ADARB2: variants seen among roughly 807,000 people sequenced by gnomAD.
ADARB2 encodes the protein inactive double-stranded RNA-specific editase B2.
ADARB2 carries 25 observed loss-of-function variants against 62.2 expected under a neutral mutation model. That is an observed-to-expected ratio of 0.40 (90% CI 0.29 to 0.56). The LOEUF (loss-of-function observed/expected upper bound fraction) is 0.56. Among genes scored for constraint, ADARB2 ranks in the 20% least tolerant of loss-of-function variants. ADARB2 has a pLI of 0.43. For missense variants in ADARB2, 1,071 were observed against 1,077.4 expected, an observed-to-expected ratio of 0.99 and a Z score of 0.08; for synonymous variants, 572 against 500.8, an observed-to-expected ratio of 1.14 and a Z score of -1.90.
chr10:1,491,792 A>G (rs928826649), intron 1 of ADARB2, among the ~76,000 whole-genome samples: 3 of 152,214 alleles, frequency 2.0e-5, no homozygotes, highest in Non-Finnish European at 4.4e-5. Flanking sequence ...TCAGAGTGGA[A>G]AGACCTTTCT....
intron 1 of ADARB2, among the ~76,000 whole-genome samples, chr10:1,618,122 A>G (rs1272000107): frequency 6.6e-6 from 1 of 152,144 alleles, no homozygotes; most frequent in Non-Finnish European, 1.5e-5. Context: ...TGCCTGCCCA[A>G]ACAGGTGTAC....
intron 6 of ADARB2, among the ~76,000 whole-genome samples, chr10:1,233,403 A>G (rs1282187457): frequency 6.6e-6 from 1 of 152,016 alleles, no homozygotes; most frequent in African/African-American, 2.4e-5. Context: ...CCTTCATTCC[A>G]TTTTCCCAGC....
intron 1 of ADARB2, among the ~76,000 whole-genome samples, chr10:1,631,159 C>T (rs896396650): frequency 5.2e-4 from 79 of 152,286 alleles, no homozygotes; most frequent in African/African-American, 1.8e-3. Flanking sequence ...GCAACACGTT[C>T]GATGTGCCAG....
chr10:1,378,720 C>T (rs756624855), intron 2 of ADARB2, among the ~76,000 whole-genome samples: 1 of 151,742 alleles, frequency 6.6e-6, no homozygotes, highest in African/African-American at 2.4e-5. Context: ...AGGATGGGAC[C>T]ACAGGTGAGG....
intron 6 of ADARB2, among the ~76,000 whole-genome samples, chr10:1,219,885 GTGA>G (rs1329221078): frequency 6.7e-6 from 1 of 148,362 alleles, no homozygotes; most frequent in Non-Finnish European, 1.5e-5. Context: ...GGTGATGATG[GTGA>G]TGGTGATAAT....
At chr10:1,272,012 A>T (rs1831267746) in intron 3 of ADARB2, among the ~76,000 whole-genome samples, 1 of 152,234 alleles carries the variant, frequency 6.6e-6, no homozygotes, top group Non-Finnish European at 1.5e-5. Flanking sequence ...GATTAAATGC[A>T]ATACGGTGTC....
At chr10:1,481,647 A>G (rs932581082) in intron 1 of ADARB2, among the ~76,000 whole-genome samples, 19 of 151,962 alleles carry the variant, frequency 1.3e-4, no homozygotes, top group African/African-American at 3.6e-4. Context: ...TCACGAGGTC[A>G]GGAGTTCAAG....
intron 1 of ADARB2, among the ~76,000 whole-genome samples, chr10:1,650,646 T>G (rs903781378): frequency 3.3e-5 from 5 of 152,204 alleles, no homozygotes; most frequent in East Asian, 1.9e-4. Context: ...CTATCTTAAA[T>G]TAAACGGGCA....
At chr10:1,496,666 C>A (rs780768193) in intron 1 of ADARB2, among the ~76,000 whole-genome samples, 1 of 151,972 alleles carries the variant, frequency 6.6e-6, no homozygotes, top group Non-Finnish European at 1.5e-5. Flanking sequence ...TAATCATATT[C>A]ATCATAATCA....
intron 3 of ADARB2, among the ~76,000 whole-genome samples, chr10:1,338,675 G>A (rs749892396): frequency 5.9e-5 from 9 of 151,740 alleles, no homozygotes; most frequent in South Asian, 2.1e-4. Context: ...TGGCTCCTAC[G>A]TGGGCCAGCT....
chr10:1,555,546 C>T (rs1288420010), intron 1 of ADARB2, among the ~76,000 whole-genome samples: 3 of 152,160 alleles, frequency 2.0e-5, no homozygotes, highest in African/African-American at 7.2e-5. Context: ...TGAGTGTGCT[C>T]TTGATAAAAA....
At chr10:1,321,490 C>T (rs1831794586) in intron 3 of ADARB2, among the ~76,000 whole-genome samples, 1 of 152,136 alleles carries the variant, frequency 6.6e-6, no homozygotes. Flanking sequence ...AAGTGATCCT[C>T]CCGCCTCAGC....
chr10:1,178,066 T>G lies in ADARB2; in HGVS notation c.*5127A>C, dbSNP rs879327000. On this transcript the variant is annotated 3_prime_UTR_variant, in exon 10 of 10. Coordinates refer to ENST00000381312, the MANE Select transcript of ADARB2 (RefSeq NM_018702.4). The stretch of plus-strand genomic sequence containing the variant: ...ACATTCAGGAGAGTCCAAAAATGAC[T>G]GCAGCAACTCCCTGTGCACAAGGCA... 6.6e-6 allele frequency: 1 copy of G among 152,236 alleles called. No individual in the cohort carries two copies. The highest frequency in any genetic ancestry group is 1.5e-5 in the Non-Finnish European group (1 of 68,072). 9.4% of individuals were successfully genotyped at this position (152,236 alleles called of 1,614,324 possible).
intron 1 of ADARB2, among the ~76,000 whole-genome samples, chr10:1,532,417 G>A (rs1301039160): frequency 6.6e-6 from 1 of 152,128 alleles, no homozygotes; most frequent in Non-Finnish European, 1.5e-5. Flanking sequence ...CTGGCTCCCC[G>A]TGTCTGTTCA....
At chr10:1,625,577 C>T (rs1833756301) in intron 1 of ADARB2, among the ~76,000 whole-genome samples, 1 of 152,258 alleles carries the variant, frequency 6.6e-6, no homozygotes, top group East Asian at 1.9e-4. Flanking sequence ...GGCCACAGAA[C>T]AGCTTTCTCG....
chr10:1,495,930 TCATCAC>T (rs1831683351), intron 1 of ADARB2, among the ~76,000 whole-genome samples: 1 of 151,844 alleles, frequency 6.6e-6, no homozygotes, highest in Non-Finnish European at 1.5e-5. Flanking sequence ...ATCATCATTG[TCATCAC>T]CATCACCATC....
intron 2 of ADARB2, among the ~76,000 whole-genome samples, chr10:1,364,118 C>G (rs1832291195): frequency 6.6e-6 from 1 of 152,184 alleles, no homozygotes; most frequent in African/African-American, 2.4e-5. Flanking sequence ...GTCCTTGGTC[C>G]CTTGCTGAGG....
chr10:1,329,270 A>G (rs1300930397), intron 3 of ADARB2, among the ~76,000 whole-genome samples: 2 of 152,374 alleles, frequency 1.3e-5, no homozygotes, highest in East Asian at 3.9e-4. Context: ...ATGGAAATCT[A>G]GGCATTCACA....
At chr10:1,222,920 A>G (rs1830707799) in intron 6 of ADARB2, among the ~76,000 whole-genome samples, 2 of 151,968 alleles carry the variant, frequency 1.3e-5, no homozygotes, top group South Asian at 4.1e-4. Context: ...GTTCCATATG[A>G]ACTTTAAAGT....
Sources: allele counts gnomAD v4.1 joint callset (sites outside exome capture counted in the v4.1 genomes callset), GRCh38; gene constraint gnomAD v4.1.1; transcripts MANE v1.5; gene names NCBI Gene and HGNC (gene_info 2026-07-23, HGNC 2026-07-21).